The following AGA variants were observed in gnomAD, a reference collection of about 807,000 sequenced individuals.
AGA encodes N(4)-(beta-N-acetylglucosaminyl)-L-asparaginase.
Under a neutral mutation model 40.1 loss-of-function variants are expected in AGA, and 31 were observed. The ratio of observed to expected loss-of-function variants is 0.77; its 90% confidence interval spans 0.58 to 1.04. AGA has a LOEUF of 1.04. Among genes scored for constraint, AGA ranks in the 50% least tolerant of loss-of-function variants. The probability of loss-of-function intolerance (pLI) is 0.00; values close to 1 mark genes in which losing one functional copy is unlikely to be tolerated. For synonymous variants in AGA, 148 were observed against 144.0 expected (o/e 1.03, Z -0.20); for missense variants, 445 against 435.4 (o/e 1.02, Z -0.20).
At chr4:177,439,750 C>T in intron 2 of AGA, 62 bp from the exon 3 acceptor site, 1 of 1,223,010 alleles carries the variant, frequency 8.2e-7, no homozygotes, top group Non-Finnish European at 1.2e-6. Flanking sequence ...AGATTAAAAA[C>T]ATTGCTTTTC....
intron 3 of AGA, 93 bp from the exon 4 acceptor site, chr4:177,438,950 C>T: frequency 1.3e-6 from 1 of 769,832 alleles, no homozygotes; most frequent in Non-Finnish European, 2.3e-6. Context: ...TCAGCAGCAT[C>T]TTAAGTGAGC....
chr4:177,440,094 C>G, intron 2 of AGA, 179 bp downstream of exon 2: 2 of 716,072 alleles, frequency 2.8e-6, no homozygotes, highest in East Asian at 2.6e-5. Flanking sequence ...TGTGATATTT[C>G]TATTACTCTG....
In AGA at chr4:177,437,443, T is replaced by C; in HGVS notation, c.584A>G (p.His195Arg). 2 of 1,613,468 alleles carry C rather than the reference T, an allele frequency of 1.2e-6. No homozygotes were observed. The highest frequency in any genetic ancestry group is 1.3e-5 in the African/African-American group (1 of 75,042). Residue 195 changes from histidine (H) to arginine (R), a missense_variant, in exon 5 of 9, where the codon CAT becomes CGT. By Grantham distance (29) the His-to-Arg change is conservative. Transcript: ENST00000264595. ...ACCACGATCATCTTCTGTTTCTTTA[T>C]GGATAGGAATATCCTGCTTTAAGAT... ...PGILKQDIPI[H>R]KETEDDRGHD...
intron 2 of AGA, 160 bp downstream of exon 2, chr4:177,440,113 T>G (rs948519342): frequency 3.0e-5 from 25 of 827,776 alleles, no homozygotes; most frequent in Non-Finnish European, 3.9e-6. Flanking sequence ...TGATTTTTTT[T>G]TTTCAGTTGA....
At chr4:177,434,591 C>T (rs576636102) in intron 6 of AGA, 102 bp from the exon 7 acceptor site, 1 of 931,800 alleles carries the variant, frequency 1.1e-6, no homozygotes, top group Non-Finnish European at 1.8e-6. Context: ...GCCTCTGATA[C>T]CGTTTTAAGT....
intron 1 of AGA, among the ~76,000 whole-genome samples, chr4:177,441,284 A>G (rs1737001446): frequency 6.6e-6 from 1 of 152,136 alleles, no homozygotes; most frequent in South Asian, 2.1e-4. Flanking sequence ...ATGGCTGGGA[A>G]TATCTTTCTC....
intron 5 of AGA, among the ~76,000 whole-genome samples, chr4:177,436,760 G>A (rs908018148): frequency 1.3e-5 from 2 of 152,198 alleles, no homozygotes; most frequent in Non-Finnish European, 2.9e-5. Flanking sequence ...CATCCAGTCT[G>A]GGTATTTTGT....
chr4:177,439,875 A>G (rs1481502468), intron 2 of AGA, among the ~76,000 whole-genome samples, 187 bp from the exon 3 acceptor site: 1 of 151,788 alleles, frequency 6.6e-6, no homozygotes, highest in African/African-American at 2.4e-5. Context: ...AAAAAAATAG[A>G]AAATCAACTT....
intron 2 of AGA, 137 bp downstream of exon 2, chr4:177,440,136 G>T: frequency 9.5e-7 from 1 of 1,048,894 alleles, no homozygotes; most frequent in Non-Finnish European, 1.5e-6. Context: ...GGGAAACTGT[G>T]TTTAGAAAGG....
chr4:177,440,379 T>A lies in AGA; in HGVS notation c.175A>T (p.Ser59Cys), dbSNP rs560547845. The A allele has an allele frequency of 9.3e-6, 15 of 1,614,058 alleles. 1 individual carries two copies. In the South Asian group the frequency reaches 1.6e-4, roughly 18 times the overall value. ...SGGSALDAVESGCAMCEREQC... is the reference protein window; with the variant it reads ...SGGSALDAVECGCAMCEREQC... Reference sequence around the variant, plus strand: ...TCTCTCTCACACATGGCACAGCCGCTCTCCACTGCATCCAGGGCAGAGCCT... The same window carrying A: ...TCTCTCTCACACATGGCACAGCCGCACTCCACTGCATCCAGGGCAGAGCCT... The change falls in exon 2 of 9, where the codon AGC becomes TGC. Residue 59 changes from serine (S) to cysteine (C), a missense_variant. Coordinates refer to ENST00000264595, the MANE Select transcript of AGA (RefSeq NM_000027.4).
chr4:177,435,269 A>G (rs1560947233), intron 6 of AGA, among the ~76,000 whole-genome samples: 1 of 152,212 alleles, frequency 6.6e-6, no homozygotes, highest in Non-Finnish European at 1.5e-5. Flanking sequence ...CTGTGAGATA[A>G]TAAGTTAAAT....
intron 1 of AGA, among the ~76,000 whole-genome samples, chr4:177,441,926 G>C (rs1737029401): frequency 2.0e-5 from 3 of 152,236 alleles, no homozygotes; most frequent in African/African-American, 7.2e-5. Flanking sequence ...CTGTCAGGCA[G>C]AAAAGCGTAG....
In AGA at chr4:177,431,135, G is replaced by C. The variant is rs1390086569; in HGVS notation, c.*573C>G. On this transcript the variant is annotated 3_prime_UTR_variant, in exon 9 of 9. Coordinates refer to ENST00000264595, the MANE Select transcript of AGA (RefSeq NM_000027.4). The stretch of plus-strand genomic sequence containing the variant: ...AAAAGCAAAGAAAATCAACACAATT[G>C]CTCATCAGAAGATAGCTGTATTTTC... 6.7e-6 allele frequency: 3 copies of C among 446,382 alleles called. No homozygotes were observed. In the Admixed American group the frequency reaches 7.2e-5, roughly 11 times the overall value. The allele number at this position is 446,382 out of a possible 1,614,324, so 27.7% of individuals were successfully genotyped here.
intron 3 of AGA, among the ~76,000 whole-genome samples, 178 bp downstream of exon 3, chr4:177,439,395 CCTT>C (rs1168075732): frequency 7.9e-5 from 12 of 152,072 alleles, no homozygotes; most frequent in Non-Finnish European, 7.3e-5. Context: ...ACTTCCATTG[CCTT>C]CTTCTTAGAG....
chr4:177,436,548 C>G (rs1170735380), intron 5 of AGA, among the ~76,000 whole-genome samples, 197 bp from the exon 6 acceptor site: 1 of 152,062 alleles, frequency 6.6e-6, no homozygotes, highest in Non-Finnish European at 1.5e-5. Context: ...GAGGACAGAG[C>G]CCCCATGAAT....
rs1040247749 is a variant in AGA at position 177,440,258 on chromosome 4, G to C, written c.281+15C>G. ...TAACTCAACATAATAAATAGGACCT[G>C]AACGGTGTTCTTACCCATCCATGAT... is the stretch of plus-strand genomic sequence containing the variant. On this transcript the variant is annotated intron_variant, in intron 2 of 8. Coordinates refer to ENST00000264595, the MANE Select transcript of AGA (RefSeq NM_000027.4). 1 of 1,613,630 alleles carries C rather than the reference G, an allele frequency of 6.2e-7. No individual in the cohort carries two copies.
chr4:177,434,304 CAAAAATTATTTTCTATCTTAA>C, intron 7 of AGA, 57 bp downstream of exon 7: 3 of 1,403,406 alleles, frequency 2.1e-6, no homozygotes, highest in Non-Finnish European at 2.0e-6. Context: ...CACCCAGCCT[CAAAAATTATTTTCTATCTTAA>C]AAGAAAAAAA....
chr4:177,439,101 G>A (rs943638503), intron 3 of AGA, among the ~76,000 whole-genome samples: 2 of 152,076 alleles, frequency 1.3e-5, no homozygotes, highest in African/African-American at 2.4e-5. Context: ...TTCTCGTCCC[G>A]GCCAGGCGCG....
Position 177,431,209 on chromosome 4 carries a change from T to G in AGA, c.*499A>C, listed in dbSNP as rs1252421144. The G allele has an allele frequency of 2.3e-6, 1 of 440,624 alleles. No individual in the cohort carries two copies. Among genetic ancestry groups the G allele is most frequent in the Non-Finnish European group, 4.5e-6 (1 of 222,628 alleles). 27.3% of individuals were successfully genotyped at this position (440,624 alleles called of 1,614,324 possible). Reference sequence around the variant, plus strand: ...TCTCATGTTCTATCATCTTCCTTCCTCAAGTTTTTAGGGAATATTAAGTAA... The same window carrying G: ...TCTCATGTTCTATCATCTTCCTTCCGCAAGTTTTTAGGGAATATTAAGTAA... On this transcript the variant is annotated 3_prime_UTR_variant, in exon 9 of 9. Coordinates refer to ENST00000264595, the MANE Select transcript of AGA (RefSeq NM_000027.4).
Sources: allele counts gnomAD v4.1 joint callset (sites outside exome capture counted in the v4.1 genomes callset), GRCh38; gene constraint gnomAD v4.1.1; transcripts MANE v1.5; gene names NCBI Gene and HGNC (gene_info 2026-07-23, HGNC 2026-07-21).